Variants in IRF2 observed in about 807,000 individuals in gnomAD.
IRF2 encodes interferon regulatory factor 2.
Under a neutral mutation model 40.6 loss-of-function variants are expected in IRF2, and 15 were observed. The observed-to-expected ratio is 0.37, with a 90% CI of 0.25 to 0.57. IRF2 has a LOEUF of 0.57. IRF2 is among the 20% of genes least tolerant of loss of function. IRF2 has a pLI of 0.77. For synonymous variants in IRF2, 151 were observed against 165.5 expected (o/e 0.91, Z 0.67); for missense variants, 317 against 455.7 (o/e 0.70, Z 2.77).
At chr4:184,416,820 C>T (rs771747826) in intron 5 of IRF2, among the ~76,000 whole-genome samples, 1 of 151,974 alleles carries the variant, frequency 6.6e-6, no homozygotes, top group Non-Finnish European at 1.5e-5. Flanking sequence ...CTGAGGTGGG[C>T]GAATCACTTA....
At position 184,441,408 on chromosome 4, in the gene IRF2, G is replaced by A. The variant is rs149097601; in HGVS notation, c.-6-12338C>T. Among the ~76,000 whole-genome samples, 227 of 152,354 alleles carry A rather than the reference G, an allele frequency of 1.5e-3. 1 individual carries two copies. Among genetic ancestry groups the A allele is most frequent in the Middle Eastern group, 6.8e-3 (2 of 294 alleles). On this transcript the variant is annotated intron_variant, in intron 1 of 8. Transcript: ENST00000393593. ...CCGGTTCTAATCTTTCCAAATCACA[G>A]TGAGTGGTCAGGTGTCTGGTGGAAA...
intron 1 of IRF2, among the ~76,000 whole-genome samples, chr4:184,468,901 A>G (rs1739424245): frequency 1.3e-5 from 2 of 152,182 alleles, no homozygotes; most frequent in African/African-American, 4.8e-5. Flanking sequence ...TCTCCTGAGG[A>G]TGACAGAATT....
At chr4:184,445,505 A>G (rs1738472104) in intron 1 of IRF2, among the ~76,000 whole-genome samples, 2 of 152,024 alleles carry the variant, frequency 1.3e-5, no homozygotes, top group South Asian at 4.2e-4. Flanking sequence ...ATTTATATAA[A>G]TTAGCTGGGC....
chr4:184,389,310 C>T (rs1310603124), intron 8 of IRF2, among the ~76,000 whole-genome samples: 2 of 151,938 alleles, frequency 1.3e-5, no homozygotes, highest in Non-Finnish European at 2.9e-5. Context: ...CCCAGCAACT[C>T]GGGAGGCTGA....
At chr4:184,443,701 T>C (rs1335296339) in intron 1 of IRF2, among the ~76,000 whole-genome samples, 2 of 152,230 alleles carry the variant, frequency 1.3e-5, no homozygotes, top group African/African-American at 4.8e-5. Context: ...TTTGCTAGAA[T>C]GATTTCTTTT....
At chr4:184,455,533 C>A (rs1029159364) in intron 1 of IRF2, among the ~76,000 whole-genome samples, 1 of 151,686 alleles carries the variant, frequency 6.6e-6, no homozygotes, top group African/African-American at 2.4e-5. Context: ...GAGGAGGAGT[C>A]CCATCTCACT....
intron 1 of IRF2, among the ~76,000 whole-genome samples, chr4:184,462,814 T>C (rs933922727): frequency 2.0e-5 from 3 of 152,246 alleles, no homozygotes; most frequent in African/African-American, 4.8e-5. Context: ...GTTCAATTCA[T>C]ATACCATTAG....
intron 6 of IRF2, among the ~76,000 whole-genome samples, chr4:184,407,950 A>G (rs1736920722): frequency 6.7e-6 from 1 of 150,246 alleles, no homozygotes; most frequent in Admixed American, 6.6e-5. Flanking sequence ...GCCTTCTTCC[A>G]CGGAGGCTGA....
intron 7 of IRF2, among the ~76,000 whole-genome samples, chr4:184,398,476 G>A (rs1736546430): frequency 6.6e-6 from 1 of 151,672 alleles, no homozygotes; most frequent in South Asian, 2.1e-4. Flanking sequence ...GGCCAACATG[G>A]TGAATCCCCG....
chr4:184,417,133 G>A (rs1737311532), intron 5 of IRF2, among the ~76,000 whole-genome samples: 1 of 152,130 alleles, frequency 6.6e-6, no homozygotes, highest in Non-Finnish European at 1.5e-5. Context: ...GTCAGGAAAT[G>A]GGAGGGGCTA....
At chr4:184,447,756 C>T (rs1166853902) in intron 1 of IRF2, among the ~76,000 whole-genome samples, 1 of 152,206 alleles carries the variant, frequency 6.6e-6, no homozygotes, top group Non-Finnish European at 1.5e-5. Flanking sequence ...GTCAACAAGC[C>T]CAAACGGATA....
Position 184,408,251 on chromosome 4 carries a change from C to T in IRF2, c.436G>A (p.Gly146Arg). Residue 146 changes from glycine to arginine, a missense_variant, in exon 6 of 9, where the codon GGG becomes AGG. Coordinates refer to ENST00000393593, the MANE Select transcript of IRF2 (RefSeq NM_002199.4). The surrounding 1 kb of genome is among the most constrained non-coding windows in gnomAD (Gnocchi z 4.9). ...AGATCACTTACTCCATTACTAAGCCCCAGAGATGACTCAACTGGTTCTTGC... is the reference window on the plus strand; with the variant it reads ...AGATCACTTACTCCATTACTAAGCCTCAGAGATGACTCAACTGGTTCTTGC... ...IKQEPVESSL[G>R]LSNGVSDLSP... 6.2e-7 allele frequency: 1 copy of T among 1,611,286 alleles called. No homozygotes were observed. Among genetic ancestry groups the T allele is most frequent in the Non-Finnish European group, 8.5e-7 (1 of 1,177,434 alleles).
At chr4:184,452,897 A>G (rs1057510605) in intron 1 of IRF2, among the ~76,000 whole-genome samples, 1 of 152,070 alleles carries the variant, frequency 6.6e-6, no homozygotes, top group Non-Finnish European at 1.5e-5. Flanking sequence ...ATGGGAGTAT[A>G]AAATAGGTAC....
At chr4:184,432,622 T>C (rs1294033205) in intron 1 of IRF2, among the ~76,000 whole-genome samples, 1 of 152,216 alleles carries the variant, frequency 6.6e-6, no homozygotes, top group Non-Finnish European at 1.5e-5. Context: ...GACAAGGTTA[T>C]ACAATGATCA....
At chr4:184,419,448 C>A (rs77661323) in intron 3 of IRF2, 21 bp downstream of exon 3, 1 of 1,491,212 alleles carries the variant, frequency 6.7e-7, no homozygotes, top group African/African-American at 1.4e-5. Flanking sequence ...CCTCTATAAA[C>A]GCCGCAGGGA....
At chr4:184,453,547 GCTC>G (rs1738805580) in intron 1 of IRF2, among the ~76,000 whole-genome samples, 1 of 152,264 alleles carries the variant, frequency 6.6e-6, no homozygotes, top group South Asian at 2.1e-4. Flanking sequence ...AGAAGGCACA[GCTC>G]CTCCTCCTCA....
intron 1 of IRF2, among the ~76,000 whole-genome samples, chr4:184,457,022 T>TC (rs1049825994): frequency 1.3e-5 from 2 of 152,174 alleles, no homozygotes; most frequent in African/African-American, 4.8e-5. Context: ...TGGCCACATC[T>TC]CCCCAAACAC....
intron 1 of IRF2, among the ~76,000 whole-genome samples, chr4:184,445,938 C>T (rs1738491462): frequency 6.6e-6 from 1 of 152,088 alleles, no homozygotes; most frequent in Admixed American, 6.5e-5. Flanking sequence ...AGAATGGGCC[C>T]TAAATCCAAT....
chr4:184,404,544 A>G (rs1201329265), intron 6 of IRF2, among the ~76,000 whole-genome samples: 1 of 152,166 alleles, frequency 6.6e-6, no homozygotes, highest in African/African-American at 2.4e-5. Context: ...CATTTTATAA[A>G]TAATTATATA....
Sources: gnomAD v4.1 joint callset for allele counts (sites outside exome capture counted in the v4.1 genomes callset) on GRCh38, gnomAD v4.1.1 for gene constraint, Gnocchi (gnomAD v3.1) non-coding constraint, MANE v1.5 for transcripts, NCBI Gene and HGNC (gene_info 2026-07-23, HGNC 2026-07-21) for gene names.